The following CASKIN1 variants were observed in gnomAD, a reference collection of about 807,000 sequenced individuals.
CASKIN1 encodes the protein CASK interacting protein 1, also known as caskin-1.
A neutral mutation model predicts 117.5 loss-of-function variants in CASKIN1; 42 were observed. That is an observed-to-expected ratio of 0.36 (90% CI 0.28 to 0.46). The LOEUF (loss-of-function observed/expected upper bound fraction) is 0.46, where lower values mean the gene tolerates loss of function less well. Among genes scored for constraint, CASKIN1 ranks in the 20% least tolerant of loss-of-function variants. The pLI is 1.00. For synonymous variants in CASKIN1, 1,148 were observed against 961.7 expected (o/e 1.19, Z -3.59); for missense variants, 2,083 against 2,077.3 (o/e 1.00, Z -0.05).
chr16:2,181,695 T>C, intron 17 of CASKIN1, 96 bp from the exon 18 acceptor site: 1 of 219,848 alleles, frequency 4.5e-6, no homozygotes, highest in Non-Finnish European at 6.2e-6. Flanking sequence ...GGGCCCAGCT[T>C]GGGGCTGGGG....
rs1209470394 is a variant in CASKIN1 at position 2,189,103 on chromosome 16, G to T, written c.541C>A (p.Pro181Thr). The T allele has an allele frequency of 1.2e-6, 2 of 1,613,580 alleles. No homozygotes were observed. Among genetic ancestry groups the T allele is most frequent in the Admixed American group, 3.3e-5 (2 of 60,000 alleles). ...CCGTTGGGGTCGGTGGCGTCTCCCG[G>T]CCGGGGCTCCAGCAGCGCCGCACAC... ...NMCAALLEPR[P>T]GDATDPNGTS... The change falls in exon 6 of 20, where the codon CCG (proline) becomes ACG (threonine). Residue 181 changes from proline (P) to threonine (T), a missense_variant. Pro to Thr is a conservative substitution (Grantham distance 38, BLOSUM62 -1). This residue lies in a region of CASKIN1 where 203 missense variants were observed against 338.7 expected (regional missense o/e 0.60). Coordinates refer to ENST00000343516, the MANE Select transcript of CASKIN1 (RefSeq NM_020764.4).
intron 17 of CASKIN1, 24 bp from the exon 18 acceptor site, chr16:2,181,623 TCAGGTGGAC>T: frequency 6.7e-7 from 1 of 1,483,266 alleles, no homozygotes; most frequent in Admixed American, 2.1e-5. Context: ...AGGGGGCAGG[TCAGGTGGAC>T]CAGGAGGCGG....
In CASKIN1 at chr16:2,177,860, G is replaced by C. The variant is rs1010629519; in HGVS notation, c.*690C>G. 1.4e-5 allele frequency: 4 copies of C among 289,210 alleles called. No homozygotes were observed. Among genetic ancestry groups the C allele is most frequent in the Non-Finnish European group, 2.6e-5 (4 of 151,014 alleles). The allele number at this position is 289,210 out of a possible 1,614,324, so 17.9% of individuals were successfully genotyped here. A position where few individuals can be genotyped will look rare whatever the true frequency, so the allele number is the denominator to read the frequency against. ...GAAGCACGGAGGAGCCCCCGGCAGA[G>C]CACCCGCCCCCGGGCCCCAGCCTTC... is the stretch of plus-strand genomic sequence containing the variant. On this transcript the variant is annotated 3_prime_UTR_variant, in exon 20 of 20. Transcript: ENST00000343516.
At chr16:2,187,578 G>C in intron 6 of CASKIN1, 117 bp from the exon 7 acceptor site, 1 of 751,832 alleles carries the variant, frequency 1.3e-6, no homozygotes, top group East Asian at 2.7e-5. Flanking sequence ...GCTGAGGACC[G>C]TCCAGCCCTG....
Position 2,190,221 on chromosome 16 carries a change from C to T in CASKIN1, c.147-51G>A, listed in dbSNP as rs190104408. On this transcript the variant is annotated intron_variant, in intron 2 of 19. Transcript: ENST00000343516. Reference sequence around the variant, plus strand: ...GCAGAGGCCCTGGCGCCCCGGCCTTCCCGGCACCCTGCCCTCCCCCGGCAC... The same window carrying T: ...GCAGAGGCCCTGGCGCCCCGGCCTTTCCGGCACCCTGCCCTCCCCCGGCAC... 28 of 1,602,328 alleles carry T rather than the reference C, an allele frequency of 1.7e-5. 1 individual carries two copies. In the African/African-American group the frequency reaches 2.8e-4, roughly 16 times the overall value.
intron 1 of CASKIN1, among the ~76,000 whole-genome samples, chr16:2,193,581 A>G (rs1041627939): frequency 1.3e-5 from 2 of 152,198 alleles, no homozygotes; most frequent in Admixed American, 6.5e-5. Context: ...CCCACAGCTG[A>G]GGCAGCCAGT....
intron 6 of CASKIN1, among the ~76,000 whole-genome samples, chr16:2,187,885 C>T (rs1296291667): frequency 6.6e-6 from 1 of 152,038 alleles, no homozygotes; most frequent in South Asian, 2.1e-4. Context: ...CGCCACTGCA[C>T]CTGGCCTACT....
At chr16:2,183,348 C>T (rs1428745891) in intron 16 of CASKIN1, among the ~76,000 whole-genome samples, 2 of 152,136 alleles carry the variant, frequency 1.3e-5, no homozygotes, top group South Asian at 2.1e-4. Context: ...GGCTGGGGGT[C>T]CCTGTGGGGC....
chr16:2,189,158 C>T lies in CASKIN1; in HGVS notation c.487-1G>A. ...TGCTGCTGAGGAGCAGCTGGACCACCTTGAAGGAGGGGTCAGGGTAGGGGG... is the reference window on the plus strand; with the variant it reads ...TGCTGCTGAGGAGCAGCTGGACCACTTTGAAGGAGGGGTCAGGGTAGGGGG... On this transcript the variant is annotated splice_acceptor_variant, in intron 5 of 19. Coordinates refer to ENST00000343516, the MANE Select transcript of CASKIN1 (RefSeq NM_020764.4). LOFTEE classifies it high-confidence loss of function. 1 of 1,612,758 alleles carries T rather than the reference C, an allele frequency of 6.2e-7. No individual in the cohort carries two copies. Among genetic ancestry groups the T allele is most frequent in the Non-Finnish European group, 8.5e-7 (1 of 1,179,526 alleles).
At chr16:2,189,848 G>A (rs1005180815) in intron 3 of CASKIN1, among the ~76,000 whole-genome samples, 3 of 152,018 alleles carry the variant, frequency 2.0e-5, no homozygotes, top group Admixed American at 6.5e-5. Context: ...GCTGGGAGCT[G>A]ACCCCTGACC....
At position 2,181,296 on chromosome 16, in the gene CASKIN1, C is replaced by T. The variant is rs3743868; in HGVS notation, c.2072G>A (p.Arg691Gln). The T allele has an allele frequency of 2.4e-4, 385 of 1,603,064 alleles. 2 individuals carry two copies. The East Asian group carries it at 6.2e-3, about 26-fold the overall frequency. ...CCGACCACCCAGGCTGGAGTCCTGC[C>T]GCGTGGTGGCCCTCGGGGTGGGTGG... ...HLPPTPRATT[R>Q]QDSSLGGRAR... Residue 691 changes from arginine to glutamine, a missense_variant, in exon 18 of 20, where the codon CGG (arginine) becomes CAG (glutamine). Physicochemically the swap from Arg to Gln is conservative, Grantham distance 43. Transcript: ENST00000343516.
chr16:2,177,313 G>T lies in CASKIN1; in HGVS notation c.*1237C>A, dbSNP rs1050088118. ...GACAGCTGGGCACGTCCACTCGCAG[G>T]GAAACACGGGGTGAGACAGCAGGAA... On this transcript the variant is annotated 3_prime_UTR_variant, in exon 20 of 20. Transcript: ENST00000343516. The T allele has an allele frequency of 4.3e-6, 1 of 234,964 alleles. No individual in the cohort carries two copies. Among genetic ancestry groups the T allele is most frequent in the African/African-American group, 2.2e-5 (1 of 45,466 alleles). The allele number at this position is 234,964 out of a possible 1,614,324, so 14.6% of individuals were successfully genotyped here. A position where few individuals can be genotyped will look rare whatever the true frequency, so the allele number is the denominator to read the frequency against.
chr16:2,186,563 G>A (rs902687420), intron 10 of CASKIN1, 144 bp downstream of exon 10: 6 of 658,082 alleles, frequency 9.1e-6, no homozygotes, highest in Non-Finnish European at 1.6e-5. Context: ...CGGCCGCTGG[G>A]GCACCCTGAT....
chr16:2,183,816 G>A lies in CASKIN1; in HGVS notation c.1527+15C>T, dbSNP rs776082382. ...GTGGGACGCAGCTGGCGCTGGCGGC[G>A]CATGGAAAGCTCACCTCGGGAGTCA... On this transcript the variant is annotated intron_variant, in intron 15 of 19. Coordinates refer to ENST00000343516, the MANE Select transcript of CASKIN1 (RefSeq NM_020764.4). The A allele has an allele frequency of 4.7e-5, 75 of 1,611,582 alleles. No homozygotes were observed. In the East Asian group the frequency reaches 6.9e-4, roughly 15 times the overall value.
intron 6 of CASKIN1, 22 bp downstream of exon 6, chr16:2,189,005 C>A: frequency 6.2e-7 from 1 of 1,602,084 alleles, no homozygotes; most frequent in Non-Finnish European, 8.5e-7. Context: ...AAGGCTGAGG[C>A]CCTCCCTGCT....
In CASKIN1 at chr16:2,189,110, C is replaced by A. The variant is rs888347505; in HGVS notation, c.534G>T (p.Glu178Asp). 1.2e-6 allele frequency: 2 copies of A among 1,613,488 alleles called. No individual in the cohort carries two copies. Among genetic ancestry groups the A allele is most frequent in the African/African-American group, 1.3e-5 (1 of 75,040 alleles). ...LSSNMCAALL[E>D]PRPGDATDPN... Reference sequence around the variant, plus strand: ...GGTCGGTGGCGTCTCCCGGCCGGGGCTCCAGCAGCGCCGCACACATATTGC... The same window carrying A: ...GGTCGGTGGCGTCTCCCGGCCGGGGATCCAGCAGCGCCGCACACATATTGC... Residue 178 changes from glutamate (E) to aspartate (D), a missense_variant, in exon 6 of 20, where the codon GAG (glutamate) becomes GAT (aspartate). By Grantham distance (45) the Glu-to-Asp change is conservative (BLOSUM62 2). Coordinates refer to ENST00000343516, the MANE Select transcript of CASKIN1 (RefSeq NM_020764.4).
intron 10 of CASKIN1, among the ~76,000 whole-genome samples, chr16:2,185,970 G>T (rs959966480): frequency 6.6e-6 from 1 of 152,116 alleles, no homozygotes; most frequent in Non-Finnish European, 1.5e-5. Context: ...AAACACTTGA[G>T]TGCCTTTGTT....
chr16:2,189,384 C>G, intron 4 of CASKIN1, 35 bp downstream of exon 4: 4 of 1,610,094 alleles, frequency 2.5e-6, no homozygotes, highest in Non-Finnish European at 3.4e-6. Context: ...CCGCGCTGCC[C>G]CGCCCCCGCT....
chr16:2,187,622 G>A (rs551779595), intron 6 of CASKIN1, among the ~76,000 whole-genome samples, 161 bp from the exon 7 acceptor site: 1 of 152,238 alleles, frequency 6.6e-6, no homozygotes, highest in African/African-American at 2.4e-5. Context: ...AGTGCTGAGC[G>A]CTTTTTTTTT....
Sources: gnomAD v4.1 joint callset for allele counts (sites outside exome capture counted in the v4.1 genomes callset) on GRCh38, gnomAD v4.1.1 for gene constraint, gnomAD v4.1.1 regional missense constraint, MANE v1.5 for transcripts, NCBI Gene and HGNC (gene_info 2026-07-23, HGNC 2026-07-21) for gene names.